FBXW4: variants seen among roughly 807,000 people sequenced by gnomAD.
FBXW4 encodes the protein F-box/WD repeat-containing protein 4.
In FBXW4, 40 loss-of-function variants were observed where a neutral mutation model predicts 61.8. The ratio of observed to expected loss-of-function variants is 0.65; its 90% CI spans 0.50 to 0.84. The LOEUF is 0.84. FBXW4 is among the 40% of genes least tolerant of loss of function. The probability of loss-of-function intolerance (pLI) is 0.00; values close to 1 mark genes in which losing one functional copy is unlikely to be tolerated. For synonymous variants in FBXW4, 311 were observed against 313.8 expected (o/e 0.99, Z 0.10); for missense variants, 672 against 753.8 (o/e 0.89, Z 1.27).
chr10:101,614,784 C>G (rs906919913), intron 6 of FBXW4, among the ~76,000 whole-genome samples: 1 of 152,196 alleles, frequency 6.6e-6, no homozygotes, highest in Non-Finnish European at 1.5e-5. Context: ...TAAACTGACA[C>G]GCCAGGCTCT....
In FBXW4 at chr10:101,694,457, T is replaced by C; in HGVS notation, c.649A>G (p.Thr217Ala). ...AQVCRWLRRFTSCDLLWRRIA... is the reference protein window; with the variant it reads ...AQVCRWLRRFASCDLLWRRIA... ...CGGCGCCAGAGCAGATCGCAGCTGGTGAAGCGCCGCAGCCAGCGGCACACC... is the reference window on the plus strand; with the variant it reads ...CGGCGCCAGAGCAGATCGCAGCTGGCGAAGCGCCGCAGCCAGCGGCACACC... The change falls in exon 1 of 9, where the codon ACC becomes GCC. Residue 217 changes from threonine (T) to alanine (A), a missense_variant. Transcript: ENST00000331272. This position sits in a 1 kb window ranked among gnomAD's most constrained non-coding sequence, Gnocchi z 6.0. The C allele has an allele frequency of 6.5e-7, 1 of 1,535,360 alleles. No homozygotes were observed. The highest frequency in any genetic ancestry group is 1.2e-5 in the South Asian group (1 of 82,820).
At chr10:101,675,558 C>T (rs1031021730) in intron 2 of FBXW4, among the ~76,000 whole-genome samples, 24 of 152,166 alleles carry the variant, frequency 1.6e-4, no homozygotes, top group Admixed American at 7.8e-4. Flanking sequence ...TTCACAGTAT[C>T]TGATGCCAGT....
At chr10:101,661,515 C>A (rs2064244771) in intron 5 of FBXW4, among the ~76,000 whole-genome samples, 1 of 152,198 alleles carries the variant, frequency 6.6e-6, no homozygotes, top group South Asian at 2.1e-4. Context: ...CATCCCCACA[C>A]TGATCCCTTT....
chr10:101,660,291 G>A, intron 5 of FBXW4: 1 of 980,088 alleles, frequency 1.0e-6, no homozygotes, highest in Non-Finnish European at 1.2e-6. Flanking sequence ...GGATACAGCA[G>A]TGGCTACAAT....
At position 101,682,927 on chromosome 10, in the gene FBXW4, T is replaced by C. The variant is rs78790917; in HGVS notation, c.726-6491A>G. The stretch of plus-strand genomic sequence containing the variant: ...AACAACTCAGCTTTTTCATATCTTT[T>C]GTCTAACCATCTTGGATGGTTACAG... On this transcript the variant is annotated intron_variant, in intron 1 of 8. Transcript: ENST00000331272. Among the ~76,000 whole-genome samples the C allele has an allele frequency of 3.9e-4, 60 of 152,364 alleles. No homozygotes were observed. The East Asian group carries it at 0.011, about 29-fold the overall frequency.
chr10:101,672,788 T>C, intron 4 of FBXW4, 127 bp downstream of exon 4: 1 of 1,159,508 alleles, frequency 8.6e-7, no homozygotes, highest in Non-Finnish European at 1.2e-6. Context: ...AAGTGAGTCC[T>C]TTATTGTGTC....
At chr10:101,629,069 A>G (rs2063929797) in intron 5 of FBXW4, among the ~76,000 whole-genome samples, 1 of 152,220 alleles carries the variant, frequency 6.6e-6, no homozygotes, top group South Asian at 2.1e-4. Context: ...GATTAAAAAT[A>G]ACAAGACATA....
intron 5 of FBXW4, among the ~76,000 whole-genome samples, chr10:101,631,232 C>T (rs1267110773): frequency 6.6e-6 from 1 of 152,218 alleles, no homozygotes; most frequent in Non-Finnish European, 1.5e-5. Context: ...TAGCCAACTT[C>T]ACGGATGACT....
intron 6 of FBXW4, among the ~76,000 whole-genome samples, chr10:101,614,004 C>T (rs1464380435): frequency 6.6e-6 from 1 of 152,250 alleles, no homozygotes; most frequent in South Asian, 2.1e-4. Flanking sequence ...AGACTGCTAA[C>T]CTTGGCTCCC....
intron 5 of FBXW4, among the ~76,000 whole-genome samples, chr10:101,643,451 C>T (rs559270248): frequency 2.0e-4 from 31 of 152,318 alleles, no homozygotes; most frequent in African/African-American, 7.5e-4. Context: ...TGAGAAGGCA[C>T]ACACACACAT....
intron 2 of FBXW4, among the ~76,000 whole-genome samples, chr10:101,675,464 G>A (rs185756024): frequency 5.9e-5 from 9 of 152,220 alleles, no homozygotes; most frequent in Admixed American, 5.9e-4. Flanking sequence ...GGAAGCAGAG[G>A]GTAAAGTCCT....
chr10:101,627,568 A>C (rs562477193), intron 5 of FBXW4, among the ~76,000 whole-genome samples: 18 of 152,148 alleles, frequency 1.2e-4, no homozygotes, highest in Non-Finnish European at 2.1e-4. Context: ...AGGAAGAATG[A>C]GCAAAAGCTA....
intron 5 of FBXW4, among the ~76,000 whole-genome samples, chr10:101,634,302 G>A (rs1171321059): frequency 6.7e-6 from 1 of 149,620 alleles, no homozygotes; most frequent in Non-Finnish European, 1.5e-5. Context: ...TGTTGAATAA[G>A]TTTGGAAACA....
intron 5 of FBXW4, among the ~76,000 whole-genome samples, chr10:101,637,953 G>A (rs774063674): frequency 1.3e-5 from 2 of 151,956 alleles, no homozygotes; most frequent in Admixed American, 1.3e-4. Flanking sequence ...TTCAAAAAAC[G>A]GATATTACCC....
chr10:101,652,365 G>A (rs572262712), intron 5 of FBXW4, among the ~76,000 whole-genome samples: 1 of 152,182 alleles, frequency 6.6e-6, no homozygotes, highest in African/African-American at 2.4e-5. Context: ...AGTCTCTCTT[G>A]CTTCGCCCTG....
chr10:101,635,331 T>G (rs1420727894), intron 5 of FBXW4, among the ~76,000 whole-genome samples: 1 of 126,902 alleles, frequency 7.9e-6, no homozygotes, highest in Non-Finnish European at 1.7e-5. Context: ...GTATAATTAT[T>G]TCATTATATA....
At chr10:101,671,484 A>C in intron 4 of FBXW4, among the ~76,000 whole-genome samples, 1 of 152,210 alleles carries the variant, frequency 6.6e-6, no homozygotes, top group East Asian at 1.9e-4. Flanking sequence ...TTCTTCGTCA[A>C]CTGTAAGTAA....
chr10:101,616,818 T>C (rs2063829088), intron 6 of FBXW4, among the ~76,000 whole-genome samples: 1 of 152,278 alleles, frequency 6.6e-6, no homozygotes, highest in South Asian at 2.1e-4. Context: ...ATGAGGCTTT[T>C]GAACAAACAG....
chr10:101,677,913 T>C (rs2064431827), intron 1 of FBXW4, among the ~76,000 whole-genome samples: 1 of 152,010 alleles, frequency 6.6e-6, no homozygotes, highest in Non-Finnish European at 1.5e-5. Context: ...TATACTCTAG[T>C]CAATGATATG....
Sources: gnomAD v4.1 joint callset for allele counts (sites outside exome capture counted in the v4.1 genomes callset) on GRCh38, gnomAD v4.1.1 for gene constraint, Gnocchi (gnomAD v3.1) non-coding constraint, MANE v1.5 for transcripts, NCBI Gene and HGNC (gene_info 2026-07-23, HGNC 2026-07-21) for gene names.